REDIC1: variants seen among roughly 807,000 people sequenced by gnomAD.
The protein encoded by REDIC1 is regulator of DNA class I crossover intermediates 1.
At chr12:39,676,788 T>A in the REDIC1 span, among the ~76,000 whole-genome samples, 1 of 152,152 alleles carries the variant, frequency 6.6e-6, no homozygotes, top group Non-Finnish European at 1.5e-5. Context: ...CAGAAGGAAT[T>A]GGGATCCTAT....
At chr12:39,877,011 T>A in the REDIC1 span, among the ~76,000 whole-genome samples, 1 of 152,142 alleles carries the variant, frequency 6.6e-6, no homozygotes, top group African/African-American at 2.4e-5. Context: ...AATATATATA[T>A]TTTTTGGTAC....
chr12:39,729,476 A>T, the REDIC1 span, among the ~76,000 whole-genome samples: 1 of 152,132 alleles, frequency 6.6e-6, no homozygotes, highest in Non-Finnish European at 1.5e-5. Context: ...GTTTTAAGTG[A>T]GTTTCTTAAC....
chr12:39,854,802 A>G, the REDIC1 span, among the ~76,000 whole-genome samples: 1 of 152,094 alleles, frequency 6.6e-6, no homozygotes. Context: ...ATCAAGCTTT[A>G]TAATTTTCTT....
chr12:39,626,359 G>A, the REDIC1 span: 14 of 1,613,926 alleles, frequency 8.7e-6, no homozygotes, highest in Admixed American at 1.7e-5. Context: ...GGGGGGTCCC[G>A]GTAAGTTGTG....
chr12:39,798,492 C>T, the REDIC1 span, among the ~76,000 whole-genome samples: 2 of 152,214 alleles, frequency 1.3e-5, no homozygotes, highest in Non-Finnish European at 2.9e-5. Flanking sequence ...AAACTAAAAT[C>T]TAGATCCCCA....
At chr12:39,651,018 C>A in the REDIC1 span, among the ~76,000 whole-genome samples, 13 of 152,096 alleles carry the variant, frequency 8.5e-5, no homozygotes, top group Admixed American at 7.9e-4. Context: ...GTAGTGCCAC[C>A]TTATCCACAG....
At chr12:39,906,106 A>G in the REDIC1 span, among the ~76,000 whole-genome samples, 1 of 126,844 alleles carries the variant, frequency 7.9e-6, no homozygotes, top group South Asian at 3.0e-4. Flanking sequence ...TATGTTGGAC[A>G]AAATCTAATT....
chr12:39,783,831 G>A, the REDIC1 span, among the ~76,000 whole-genome samples: 8 of 152,236 alleles, frequency 5.3e-5, no homozygotes, highest in Non-Finnish European at 8.8e-5. Flanking sequence ...AAACCCCATC[G>A]TCGCAGCCTA....
the REDIC1 span, chr12:39,682,949 C>T: frequency 1.3e-4 from 213 of 1,613,434 alleles, no homozygotes; most frequent in African/African-American, 2.7e-3. Flanking sequence ...AACCATGTCA[C>T]TGACAGATGC....
chr12:39,903,143 T>C, the REDIC1 span, among the ~76,000 whole-genome samples: 1 of 152,186 alleles, frequency 6.6e-6, no homozygotes, highest in African/African-American at 2.4e-5. Flanking sequence ...ATTGGTCTGA[T>C]AGGCATAGGC....
chr12:39,848,315 C>A, the REDIC1 span, among the ~76,000 whole-genome samples: 1 of 152,032 alleles, frequency 6.6e-6, no homozygotes, highest in African/African-American at 2.4e-5. Flanking sequence ...TTATAAGGAA[C>A]TTAGCAAATT....
the REDIC1 span, among the ~76,000 whole-genome samples, chr12:39,870,348 G>A: frequency 6.6e-6 from 1 of 152,098 alleles, no homozygotes; most frequent in African/African-American, 2.4e-5. Flanking sequence ...AGCCCACTGT[G>A]GAAATTTATT....
chr12:39,860,068 G>A, the REDIC1 span, among the ~76,000 whole-genome samples: 13 of 152,272 alleles, frequency 8.5e-5, no homozygotes, highest in East Asian at 5.8e-4. Context: ...CTGTTGTGTC[G>A]TTGGTTTCAT....
chr12:39,826,257 T>A, the REDIC1 span, among the ~76,000 whole-genome samples: 1 of 152,010 alleles, frequency 6.6e-6, no homozygotes, highest in Non-Finnish European at 1.5e-5. Context: ...TGCTTGTTTT[T>A]GTTTTTTTGA....
chr12:39,708,065 A>T, the REDIC1 span, among the ~76,000 whole-genome samples: 1 of 151,816 alleles, frequency 6.6e-6, no homozygotes, highest in Non-Finnish European at 1.5e-5. Flanking sequence ...CAAAAAATTC[A>T]ATTAGAAAGA....
At chr12:39,647,555 A>AT in the REDIC1 span, among the ~76,000 whole-genome samples, 1 of 151,954 alleles carries the variant, frequency 6.6e-6, no homozygotes, top group Non-Finnish European at 1.5e-5. Flanking sequence ...GAGCTGGAGG[A>AT]TGGAGAGAAG....
At chr12:39,720,392 G>A in the REDIC1 span, among the ~76,000 whole-genome samples, 3 of 151,828 alleles carry the variant, frequency 2.0e-5, no homozygotes, top group African/African-American at 7.3e-5. Flanking sequence ...TGTTTCCTTC[G>A]AAGGTACTTC....
chr12:39,748,279 C>CTCTG, the REDIC1 span, among the ~76,000 whole-genome samples: 3 of 152,242 alleles, frequency 2.0e-5, no homozygotes, highest in Admixed American at 2.0e-4. Context: ...CAATCCTAGT[C>CTCTG]TCTGATAAAA....
At chr12:39,802,746 G>A in the REDIC1 span, among the ~76,000 whole-genome samples, 19 of 152,176 alleles carry the variant, frequency 1.2e-4, no homozygotes, top group African/African-American at 4.6e-4. Context: ...GATAAAGATA[G>A]ATATGAATAT....
Sources: allele counts gnomAD v4.1 joint callset (sites outside exome capture counted in the v4.1 genomes callset), GRCh38; gene constraint gnomAD v4.1.1; transcripts MANE v1.5; gene names NCBI Gene and HGNC (gene_info 2026-07-23, HGNC 2026-07-21).